Variants in SF3B6 observed in about 807,000 individuals in gnomAD.
The protein encoded by SF3B6 is splicing factor 3b subunit 6, also known as SF3b 14 kDa subunit.
A neutral mutation model predicts 15.9 loss-of-function variants in SF3B6; 3 were observed. That is an observed-to-expected ratio of 0.19 (90% CI 0.09 to 0.49). SF3B6 has a LOEUF of 0.49. Among genes scored for constraint, SF3B6 ranks in the 20% least tolerant of loss-of-function variants. The pLI is 0.97. For synonymous variants in SF3B6, 49 were observed against 51.1 expected (o/e 0.96, Z 0.18); for missense variants, 71 against 154.3 (o/e 0.46, Z 2.86).
chr2:24,073,509 G>A (rs972008122), intron 2 of SF3B6: 1 of 152,234 alleles, frequency 6.6e-6, no homozygotes, highest in East Asian at 1.9e-4. Flanking sequence ...AATATCACTT[G>A]AAGGTATGAA....
intron 2 of SF3B6, among the ~76,000 whole-genome samples, chr2:24,070,682 A>T (rs550618724): frequency 2.6e-5 from 4 of 152,230 alleles, no homozygotes. Context: ...TTTAGCACTG[A>T]AAGTCCAGTG....
intron 2 of SF3B6, among the ~76,000 whole-genome samples, chr2:24,072,852 T>A (rs775279510): frequency 3.9e-5 from 6 of 152,230 alleles, no homozygotes; most frequent in Non-Finnish European, 7.3e-5. Flanking sequence ...AAGGCAGGGA[T>A]TCGCCATGTT....
At chr2:24,068,529 G>T in intron 2 of SF3B6, 70 bp from the exon 3 acceptor site, 1 of 1,392,178 alleles carries the variant, frequency 7.2e-7, no homozygotes, top group Non-Finnish European at 9.8e-7. Context: ...TTACAGAACT[G>T]TCTTTTAAAC....
At chr2:24,074,227 TA>T (rs773844295) in intron 1 of SF3B6, 33 bp from the exon 2 acceptor site, 9 of 1,157,246 alleles carry the variant, frequency 7.8e-6, no homozygotes, top group African/African-American at 1.6e-5. Flanking sequence ...TTATTATAAT[TA>T]GGGGCATTCT....
In SF3B6 at chr2:24,074,193, A is replaced by T; in HGVS notation, c.32T>A (p.Ile11Asn). The change falls in exon 2 of 4, where the codon ATT becomes AAT. Residue 11 changes from isoleucine (I) to asparagine (N), a missense_variant and splice_region_variant. Physicochemically the swap from Ile to Asn is moderately radical, Grantham distance 149. Coordinates refer to ENST00000233468, the MANE Select transcript of SF3B6 (RefSeq NM_016047.4). MAMQAAKRANIRLPPEVNRIL... is the reference protein window; with the variant it reads MAMQAAKRANNRLPPEVNRIL... ...CCGATTTACTTCAGGTGGAAGTCGAATCTAAAATGAGAAATACGTATTGTT... is the reference window on the plus strand; with the variant it reads ...CCGATTTACTTCAGGTGGAAGTCGATTCTAAAATGAGAAATACGTATTGTT... 6.6e-7 allele frequency: 1 copy of T among 1,513,922 alleles called. No individual in the cohort carries two copies. The highest frequency in any genetic ancestry group is 9.2e-7 in the Non-Finnish European group (1 of 1,092,170). 93.8% of individuals were successfully genotyped at this position (1,513,922 alleles called of 1,614,324 possible).
chr2:24,068,559 A>C, intron 2 of SF3B6, 100 bp from the exon 3 acceptor site: 1 of 1,104,918 alleles, frequency 9.1e-7, no homozygotes. Context: ...TCTTTTAAAA[A>C]CAGTAAATTG....
At chr2:24,068,984 C>A (rs191788091) in intron 2 of SF3B6, among the ~76,000 whole-genome samples, 2 of 152,202 alleles carry the variant, frequency 1.3e-5, no homozygotes, top group Non-Finnish European at 2.9e-5. Flanking sequence ...GTAGCTGGGA[C>A]TGGAGGCATG....
rs1204479010 is a variant in SF3B6 at position 24,074,113 on chromosome 2, T to C, written c.112A>G (p.Ile38Val). The change falls in exon 2 of 4, where the codon ATA becomes GTA. Residue 38 changes from isoleucine to valine, a missense_variant. Coordinates refer to ENST00000233468, the MANE Select transcript of SF3B6 (RefSeq NM_016047.4). ...CGAATAGGTCCATATTTCCCAAATA[T>C]ATCATACATTTCTTCAGCTGTGATT... is the stretch of plus-strand genomic sequence containing the variant. Reference protein sequence around the residue: ...YKITAEEMYDIFGKYGPIRQI... With the variant: ...YKITAEEMYDVFGKYGPIRQI... The C allele has an allele frequency of 6.2e-7, 1 of 1,606,428 alleles. No homozygotes were observed. Among genetic ancestry groups the C allele is most frequent in the South Asian group, 1.1e-5 (1 of 90,592 alleles).
At chr2:24,076,088 T>C in intron 1 of SF3B6, 112 bp downstream of exon 1, 1 of 1,353,330 alleles carries the variant, frequency 7.4e-7, no homozygotes, top group Non-Finnish European at 1.1e-6. Context: ...GGATAGGAAT[T>C]CTGGAGTTCT....
chr2:24,067,849 T>G lies in SF3B6; in HGVS notation c.291A>C (p.Ala97=), dbSNP rs779114858. The G allele has an allele frequency of 6.2e-7, 1 of 1,613,792 alleles. No individual in the cohort carries two copies. The highest frequency in any genetic ancestry group is 8.5e-7 in the Non-Finnish European group (1 of 1,179,862). Residue 97 remains alanine, a splice_region_variant and synonymous_variant, in exon 4 of 4, where the codon GCA becomes GCC. Coordinates refer to ENST00000233468, the MANE Select transcript of SF3B6 (RefSeq NM_016047.4). The stretch of plus-strand genomic sequence containing the variant: ...TCTTCTTTGTGTCCATCTTCTGAAA[T>G]GCCTGGAAATGTGGTAAGCACCAAA... ...LVVLYYNANR[A]FQKMDTKKKE... is the part of the protein sequence containing the mutation.
intron 2 of SF3B6, among the ~76,000 whole-genome samples, chr2:24,070,596 A>G (rs1034778866): frequency 5.3e-5 from 8 of 152,242 alleles, no homozygotes; most frequent in Admixed American, 5.2e-4. Context: ...TTTAAAAAGT[A>G]CAAAGTACCA....
At chr2:24,069,582 A>G (rs58050682) in intron 2 of SF3B6, among the ~76,000 whole-genome samples, 7,663 of 152,122 alleles carry the variant, frequency 0.05, 240 homozygotes, top group East Asian at 0.078. Flanking sequence ...CTGTGGGCTG[A>G]CTCTCCATCT....
Position 24,067,854 on chromosome 2 carries a change from G to A in SF3B6, c.289-3C>T. 1 of 1,612,964 alleles carries A rather than the reference G, an allele frequency of 6.2e-7. No individual in the cohort carries two copies. The highest frequency in any genetic ancestry group is 1.1e-5 in the South Asian group (1 of 90,790). On this transcript the variant is annotated splice_region_variant and splice_polypyrimidine_tract_variant and intron_variant, in intron 3 of 3. Transcript: ENST00000233468. The stretch of plus-strand genomic sequence containing the variant: ...TTTGTGTCCATCTTCTGAAATGCCT[G>A]GAAATGTGGTAAGCACCAAAATTAA...
At chr2:24,068,514 T>C (rs1381858664) in intron 2 of SF3B6, 55 bp from the exon 3 acceptor site, 6 of 1,489,856 alleles carry the variant, frequency 4.0e-6, no homozygotes, top group Non-Finnish European at 5.5e-6. Flanking sequence ...GCATTGATAG[T>C]TGACTTACAG....
intron 2 of SF3B6, chr2:24,073,584 ACAT>A (rs1189809180): frequency 1.3e-5 from 2 of 152,378 alleles, no homozygotes; most frequent in African/African-American, 4.8e-5. Flanking sequence ...CTATACTTTT[ACAT>A]CTTCAATTGA....
chr2:24,074,562 C>T (rs1348432811), intron 1 of SF3B6, among the ~76,000 whole-genome samples: 1 of 152,030 alleles, frequency 6.6e-6, no homozygotes, highest in Admixed American at 6.6e-5. Context: ...ACCACCATCA[C>T]TCCTGCTAAC....
At chr2:24,072,171 G>A (rs1304433591) in intron 2 of SF3B6, among the ~76,000 whole-genome samples, 1 of 150,842 alleles carries the variant, frequency 6.6e-6, no homozygotes, top group Non-Finnish European at 1.5e-5. Flanking sequence ...TTTTTTTTTA[G>A]AGAGGGGGTT....
intron 1 of SF3B6, among the ~76,000 whole-genome samples, chr2:24,075,594 TA>T (rs34608836): frequency 0.13 from 18,878 of 142,264 alleles, 1,292 homozygotes; most frequent in South Asian, 0.18. Context: ...TTTTTTTTTT[TA>T]AAAGTTTCCG....
intron 2 of SF3B6, 196 bp downstream of exon 2, chr2:24,073,880 C>T (rs2150978797): frequency 2.1e-6 from 1 of 485,866 alleles, no homozygotes; most frequent in Non-Finnish European, 3.6e-6. Flanking sequence ...TCTCATTGAG[C>T]TGGATCATTA....
Sources: allele counts gnomAD v4.1 joint callset (sites outside exome capture counted in the v4.1 genomes callset), GRCh38; gene constraint gnomAD v4.1.1; transcripts MANE v1.5; gene names NCBI Gene and HGNC (gene_info 2026-07-23, HGNC 2026-07-21).